Variants in ERMP1 observed in about 807,000 individuals in gnomAD.
ERMP1 encodes the protein endoplasmic reticulum metallopeptidase 1, also known as Felix-ina.
A neutral mutation model predicts 92.0 loss-of-function variants in ERMP1; 86 were observed. The observed-to-expected ratio is 0.93, with a 90% CI of 0.79 to 1.12. ERMP1 has a LOEUF of 1.12. ERMP1 is among the 50% of genes most tolerant of loss of function. The probability of loss-of-function intolerance (pLI) is 0.00; values close to 1 mark genes in which losing one functional copy is unlikely to be tolerated. For missense variants in ERMP1, 1,342 were observed against 1,116.3 expected, an observed-to-expected ratio of 1.20 and a Z score of -2.88; for synonymous variants, 530 against 412.8, an observed-to-expected ratio of 1.28 and a Z score of -3.44.
chr9:5,820,958 T>C (rs1829512565), intron 4 of ERMP1, among the ~76,000 whole-genome samples: 1 of 152,204 alleles, frequency 6.6e-6, no homozygotes, highest in African/African-American at 2.4e-5. Context: ...CCCAGAAAGC[T>C]TTCAGGTATG....
chr9:5,857,562 T>C (rs1477331787), intron 6 of ERMP1, among the ~76,000 whole-genome samples: 2 of 152,198 alleles, frequency 1.3e-5, no homozygotes, highest in African/African-American at 4.8e-5. Context: ...GACTTCACTC[T>C]TCTCCCTACT....
chr9:5,831,102 A>G lies in ERMP1; in HGVS notation c.339-74T>C, dbSNP rs570226018. 30 of 1,192,756 alleles carry G rather than the reference A, an allele frequency of 2.5e-5. No homozygotes were observed. In the African/African-American group the frequency reaches 4.4e-4, roughly 18 times the overall value. 73.9% of individuals were successfully genotyped at this position (1,192,756 alleles called of 1,614,324 possible). ...TTAGCGTGGGTAACTTTTCCACTAC[A>G]CACCCCTTCCTCCCCAAAAAAGCTT... On this transcript the variant is annotated intron_variant, in intron 1 of 14. Transcript: ENST00000339450.
intron 5 of ERMP1, 70 bp from the exon 6 acceptor site, chr9:5,812,287 TTTAA>T (rs1829127779): frequency 1.2e-6 from 1 of 856,828 alleles, no homozygotes; most frequent in Admixed American, 2.6e-5. Flanking sequence ...GACCTATTTC[TTTAA>T]TAAATTCCTA....
intron 4 of ERMP1, among the ~76,000 whole-genome samples, chr9:5,819,880 T>G (rs145824976): frequency 3.3e-5 from 5 of 152,014 alleles, no homozygotes; most frequent in African/African-American, 1.2e-4. Flanking sequence ...AAAATGGGAG[T>G]GACTGCTAAT....
chr9:5,853,508 C>T (rs1586841238), intron 6 of ERMP1, among the ~76,000 whole-genome samples: 1 of 152,230 alleles, frequency 6.6e-6, no homozygotes, highest in East Asian at 1.9e-4. Flanking sequence ...GGTTAAGAAA[C>T]AGCCACCTAG....
intron 4 of ERMP1, 71 bp from the exon 5 acceptor site, chr9:5,813,106 C>T (rs930024607): frequency 1.3e-6 from 2 of 1,542,080 alleles, no homozygotes; most frequent in Admixed American, 3.4e-5. Context: ...TGTTTTTCAA[C>T]ACATAGAAAA....
At chr9:5,845,773 G>T (rs866237812) in intron 6 of ERMP1, among the ~76,000 whole-genome samples, 2 of 152,314 alleles carry the variant, frequency 1.3e-5, no homozygotes, top group Middle Eastern at 3.4e-3. Flanking sequence ...CCTTGCTAAG[G>T]GCTCTTTGGG....
At position 5,830,857 on chromosome 9, in the gene ERMP1, A is replaced by C. The variant is rs199943247; in HGVS notation, c.510T>G (p.Ile170Met). The C allele has an allele frequency of 9.3e-6, 15 of 1,614,008 alleles. No individual in the cohort carries two copies. Among genetic ancestry groups the C allele is most frequent in the Non-Finnish European group, 1.3e-5 (15 of 1,180,006 alleles). The change falls in exon 2 of 15, where the codon ATT becomes ATG. Residue 170 changes from isoleucine to methionine, a missense_variant. Ile to Met is a conservative substitution (Grantham distance 10, BLOSUM62 1). Transcript: ENST00000339450. ...AGCTTGTAAAACCTCCCAAGAAATC[A>C]ATGCTAAAAGAGCCTGTGGGCCGTT... ...DVQRPTGSFS[I>M]DFLGGFTSYY...
rs185549934 is a variant in ERMP1 at position 5,787,566 on chromosome 9, C to T, written c.2414G>A (p.Arg805Gln). 1.4e-4 allele frequency: 224 copies of T among 1,613,292 alleles called. 2 individuals are homozygous for T. The East Asian group carries it at 3.5e-3, about 25-fold the overall frequency. ...TGPSHMSFYVRAHKGSTLSQW... is the reference protein window; with the variant it reads ...TGPSHMSFYVQAHKGSTLSQW... The stretch of plus-strand genomic sequence containing the variant: ...AGAAAGTGTTGACCCTTTGTGGGCT[C>T]GAACATAGAAGGACATATGGCTTGG... The change falls in exon 14 of 15, where the codon CGA becomes CAA. Residue 805 changes from arginine (R) to glutamine (Q), a missense_variant. By Grantham distance (43) the Arg-to-Gln change is conservative (BLOSUM62 1). Coordinates refer to ENST00000339450, the MANE Select transcript of ERMP1 (RefSeq NM_024896.3).
At chr9:5,865,837 CAAA>C (rs67420468) in intron 5 of ERMP1, among the ~76,000 whole-genome samples, 12,877 of 109,352 alleles carry the variant, frequency 0.12, 558 homozygotes, top group African/African-American at 0.21. Flanking sequence ...GGCTCTGTCT[CAAA>C]AAAAAAAAAA....
intron 10 of ERMP1, 70 bp downstream of exon 10, chr9:5,804,957 G>C (rs187686838): frequency 8.2e-7 from 1 of 1,216,380 alleles, no homozygotes; most frequent in East Asian, 2.5e-5. Context: ...CTATTTCACA[G>C]AATCTAGTAT....
At chr9:5,861,630 G>C (rs1389048091) in intron 5 of ERMP1, among the ~76,000 whole-genome samples, 1 of 149,576 alleles carries the variant, frequency 6.7e-6, no homozygotes, top group African/African-American at 2.4e-5. Context: ...GAGATGGAAA[G>C]TACTAAGCCA....
intron 10 of ERMP1, 75 bp downstream of exon 10, chr9:5,804,952 T>C (rs1248737077): frequency 8.7e-7 from 1 of 1,152,808 alleles, no homozygotes; most frequent in East Asian, 2.5e-5. Flanking sequence ...TAACACTATT[T>C]CACAGAATCT....
At chr9:5,792,133 C>T (rs1828223147) in intron 13 of ERMP1, among the ~76,000 whole-genome samples, 1 of 152,080 alleles carries the variant, frequency 6.6e-6, no homozygotes, top group Non-Finnish European at 1.5e-5. Flanking sequence ...TGTGGCTATG[C>T]AGTGCAAAGG....
intron 8 of ERMP1, among the ~76,000 whole-genome samples, chr9:5,806,179 T>C (rs1280060247): frequency 1.3e-5 from 2 of 152,158 alleles, no homozygotes; most frequent in African/African-American, 4.8e-5. Flanking sequence ...TGAAGGAACG[T>C]TAGGAACTGC....
Position 5,801,232 on chromosome 9 carries a change from A to T in ERMP1, c.2011T>A (p.Phe671Ile). The change falls in exon 11 of 15, where the codon TTT becomes ATT. Residue 671 changes from phenylalanine to isoleucine, a missense_variant. Transcript: ENST00000339450. ...ITFLLVCSGT[F>I]FPYSSNPANP... ...GCAGGATTGGAGCTATATGGAAAAA[A>T]TGTTCCACTGCAAACAAGGAGGAAT... 2 of 1,613,932 alleles carry T rather than the reference A, an allele frequency of 1.2e-6. No homozygotes were observed. The highest frequency in any genetic ancestry group is 2.2e-5 in the South Asian group (2 of 91,018).
In ERMP1 at chr9:5,786,452, A is replaced by G. The variant is rs1827938713; in HGVS notation, c.*692T>C. ...GAGAGGGGTAACAGACATGTTTCAG[A>G]GGAAAACAGGCATAGAAAACCACCT... is the stretch of plus-strand genomic sequence containing the variant. On this transcript the variant is annotated 3_prime_UTR_variant, in exon 15 of 15. Coordinates refer to ENST00000339450, the MANE Select transcript of ERMP1 (RefSeq NM_024896.3). 1 of 152,296 alleles carries G rather than the reference A, an allele frequency of 6.6e-6. No homozygotes were observed. Among genetic ancestry groups the G allele is most frequent in the African/African-American group, 2.4e-5 (1 of 41,462 alleles). The allele number at this position is 152,296 out of a possible 1,614,324, so 9.4% of individuals were successfully genotyped here. A position where few individuals can be genotyped will look rare whatever the true frequency, so the allele number is the denominator to read the frequency against.
chr9:5,850,901 A>G (rs761218219), intron 6 of ERMP1, among the ~76,000 whole-genome samples: 8 of 152,218 alleles, frequency 5.3e-5, no homozygotes, highest in Non-Finnish European at 8.8e-5. Context: ...TCTGAAGAAT[A>G]GAGAATGAAT....
At chr9:5,792,818 A>G (rs1172641107) in intron 13 of ERMP1, among the ~76,000 whole-genome samples, 2 of 152,220 alleles carry the variant, frequency 1.3e-5, no homozygotes, top group African/African-American at 4.8e-5. Context: ...CACTAAAATA[A>G]GTATAATTGA....
Sources: gnomAD v4.1 joint callset for allele counts (sites outside exome capture counted in the v4.1 genomes callset) on GRCh38, gnomAD v4.1.1 for gene constraint, MANE v1.5 for transcripts, NCBI Gene and HGNC (gene_info 2026-07-23, HGNC 2026-07-21) for gene names.